The following ACKR3 variants were observed in gnomAD, a reference collection of about 807,000 sequenced individuals.
ACKR3 encodes atypical chemokine receptor 3.
Under a neutral mutation model 22.4 loss-of-function variants are expected in ACKR3, and 6 were observed. That is an observed-to-expected ratio of 0.27 (90% CI 0.15 to 0.53). ACKR3 has a LOEUF of 0.53. ACKR3 is among the 20% of genes least tolerant of loss of function. ACKR3 has a pLI of 0.96. For synonymous variants in ACKR3, 209 were observed against 205.2 expected, an observed-to-expected ratio of 1.02 and a Z score of -0.16; for missense variants, 396 against 475.2, an observed-to-expected ratio of 0.83 and a Z score of 1.55.
chr2:236,560,315 C>CTT, the ACKR3 span, among the ~76,000 whole-genome samples: 3 of 104,264 alleles, frequency 2.9e-5, no homozygotes, highest in African/African-American at 5.9e-5. Flanking sequence ...GCACTTGTTG[C>CTT]CTTTTTTTTT....
In ACKR3 at chr2:236,580,654, C is replaced by G. The variant is rs35767135; in HGVS notation, c.189C>G (p.Ser63=). Residue 63 remains serine (S), a synonymous_variant, in exon 2 of 2, where the codon TCC becomes TCG. Transcript: ENST00000272928. ...FIFVIGMIAN[S]VVVWVNIQAK... Reference sequence around the variant, plus strand: ...TCGTCATCGGCATGATTGCCAACTCCGTGGTGGTCTGGGTGAATATCCAGG... The same window carrying G: ...TCGTCATCGGCATGATTGCCAACTCGGTGGTGGTCTGGGTGAATATCCAGG... The G allele has an allele frequency of 6.2e-7, 1 of 1,613,982 alleles. No homozygotes were observed. The highest frequency in any genetic ancestry group is 1.1e-5 in the South Asian group (1 of 91,054).
chr2:236,580,670 A>G lies in ACKR3; in HGVS notation c.205A>G (p.Asn69Asp). ...TGCCAACTCCGTGGTGGTCTGGGTGAATATCCAGGCCAAGACCACAGGCTA... is the reference window on the plus strand; with the variant it reads ...TGCCAACTCCGTGGTGGTCTGGGTGGATATCCAGGCCAAGACCACAGGCTA... ...MIANSVVVWV[N>D]IQAKTTGYDT... The change falls in exon 2 of 2, where the codon AAT becomes GAT. Residue 69 changes from asparagine (N) to aspartate (D), a missense_variant. By Grantham distance (23) the Asn-to-Asp change is conservative. Coordinates refer to ENST00000272928, the MANE Select transcript of ACKR3 (RefSeq NM_020311.3). 1.2e-6 allele frequency: 2 copies of G among 1,614,098 alleles called. No homozygotes were observed. Among genetic ancestry groups the G allele is most frequent in the Non-Finnish European group, 1.7e-6 (2 of 1,180,022 alleles).
chr2:236,560,682 A>C, the ACKR3 span, among the ~76,000 whole-genome samples: 2 of 151,906 alleles, frequency 1.3e-5, no homozygotes, highest in Non-Finnish European at 2.9e-5. Context: ...TTTTAGTTTG[A>C]TATAATCTCA....
chr2:236,556,509 C>G, the ACKR3 span, among the ~76,000 whole-genome samples: 17,301 of 152,008 alleles, frequency 0.11, 1,111 homozygotes, highest in East Asian at 0.29. Flanking sequence ...TGTGAGGATG[C>G]AAGCAGAGGT....
At chr2:236,558,262 T>C in the ACKR3 span, among the ~76,000 whole-genome samples, 3 of 152,162 alleles carry the variant, frequency 2.0e-5, no homozygotes, top group East Asian at 3.9e-4. Flanking sequence ...GGGCCGCTGC[T>C]AGTCATATTT....
At position 236,581,327 on chromosome 2, in the gene ACKR3, C is replaced by G. The variant is rs201423512; in HGVS notation, c.862C>G (p.Arg288Gly). ...CCTGCACTACATCCCTTTCACCTGC[C>G]GGCTGGAGCACGCCCTCTTCACGGC... is the stretch of plus-strand genomic sequence containing the variant. ...SILHYIPFTC[R>G]LEHALFTALH... Residue 288 changes from arginine to glycine, a missense_variant, in exon 2 of 2, where the codon CGG (arginine) becomes GGG (glycine). Transcript: ENST00000272928. The surrounding 1 kb of genome is among the most constrained non-coding windows in gnomAD (Gnocchi z 4.4). 1 of 1,613,918 alleles carries G rather than the reference C, an allele frequency of 6.2e-7. No individual in the cohort carries two copies. The highest frequency in any genetic ancestry group is 1.1e-5 in the South Asian group (1 of 91,074).
chr2:236,553,432 CA>C, the ACKR3 span, among the ~76,000 whole-genome samples: 11 of 152,318 alleles, frequency 7.2e-5, no homozygotes, highest in South Asian at 2.1e-3. Context: ...CAGAAAAAAA[CA>C]GGACATGGAA....
rs1157191810 is a variant in ACKR3, at chr2:236,581,497, C to T, written c.1032C>T (p.Ile344=). The change falls in exon 2 of 2, where the codon ATC becomes ATT. Residue 344 remains isoleucine, a synonymous_variant. Transcript: ENST00000272928. This position sits in a 1 kb window ranked among gnomAD's most constrained non-coding sequence, Gnocchi z 4.4. The part of the protein sequence containing the change: ...YSAKTGLTKL[I]DASRVSETEY... ...CCAAAACAGGGCTCACCAAGCTCAT[C>T]GATGCCTCCAGAGTCTCAGAGACGG... is the stretch of plus-strand genomic sequence containing the variant. 10 of 1,614,176 alleles carry T rather than the reference C, an allele frequency of 6.2e-6. No individual in the cohort carries two copies. Among genetic ancestry groups the T allele is most frequent in the South Asian group, 1.1e-5 (1 of 91,082 alleles).
At chr2:236,556,402 G>C in the ACKR3 span, among the ~76,000 whole-genome samples, 1 of 152,056 alleles carries the variant, frequency 6.6e-6, no homozygotes, top group East Asian at 1.9e-4. Context: ...TTAAGTTCAG[G>C]GTCTTGAGAT....
the ACKR3 span, among the ~76,000 whole-genome samples, chr2:236,551,280 C>G: frequency 1.3e-5 from 2 of 152,220 alleles, no homozygotes; most frequent in Non-Finnish European, 2.9e-5. Flanking sequence ...AGCCCCATTT[C>G]CCCTCCTACC....
upstream of ACKR3, among the ~76,000 whole-genome samples, chr2:236,568,684 A>G (rs1463797277): frequency 6.6e-6 from 1 of 152,278 alleles, no homozygotes; most frequent in African/African-American, 2.4e-5. Context: ...TCTTTCGTTA[A>G]GGGCTTTCTC....
the ACKR3 span, among the ~76,000 whole-genome samples, chr2:236,540,609 A>G: frequency 1.7e-3 from 265 of 152,304 alleles, 1 homozygote; most frequent in African/African-American, 6.2e-3. Flanking sequence ...ATTTCCTTAT[A>G]TAAGTTATAT....
Position 236,581,073 on chromosome 2 carries a change from A to C in ACKR3, c.608A>C (p.His203Pro). Residue 203 changes from histidine (H) to proline (P), a missense_variant, in exon 2 of 2, where the codon CAC (histidine) becomes CCC (proline). Coordinates refer to ENST00000272928, the MANE Select transcript of ACKR3 (RefSeq NM_020311.3). This position sits in a 1 kb window ranked among gnomAD's most constrained non-coding sequence, Gnocchi z 4.4. Reference sequence around the variant, plus strand: ...TACTGCCGGTCCTTCTACCCCGAGCACAGCATCAAGGAGTGGCTGATCGGC... The same window carrying C: ...TACTGCCGGTCCTTCTACCCCGAGCCCAGCATCAAGGAGTGGCTGATCGGC... ...ETYCRSFYPE[H>P]SIKEWLIGME... 6.2e-7 allele frequency: 1 copy of C among 1,614,096 alleles called. No individual in the cohort carries two copies. The highest frequency in any genetic ancestry group is 8.5e-7 in the Non-Finnish European group (1 of 1,180,022).
At chr2:236,548,569 G>A in the ACKR3 span, among the ~76,000 whole-genome samples, 1 of 152,134 alleles carries the variant, frequency 6.6e-6, no homozygotes, top group South Asian at 2.1e-4. The surrounding 1 kb of genome is among the most constrained non-coding windows in gnomAD (Gnocchi z 4.3). Context: ...TCTTTGATCT[G>A]ACTTCTCAGC....
intron 1 of ACKR3, among the ~76,000 whole-genome samples, chr2:236,571,532 G>A (rs1046217497): frequency 2.1e-5 from 3 of 143,662 alleles, no homozygotes; most frequent in Non-Finnish European, 4.5e-5. Flanking sequence ...TGTTTTCCCC[G>A]TATTAACAGC....
chr2:236,554,604 T>C, the ACKR3 span, among the ~76,000 whole-genome samples: 1 of 152,172 alleles, frequency 6.6e-6, no homozygotes, highest in African/African-American at 2.4e-5. Context: ...ACCTGTCCTC[T>C]TGGGCACCAA....
the ACKR3 span, among the ~76,000 whole-genome samples, chr2:236,549,514 T>C: frequency 6.6e-6 from 1 of 152,168 alleles, no homozygotes. The surrounding 1 kb of genome is among the most constrained non-coding windows in gnomAD (Gnocchi z 5.3). Context: ...CTTGACTAAG[T>C]GGTGTGTCTG....
chr2:236,560,583 C>T, the ACKR3 span, among the ~76,000 whole-genome samples: 4 of 152,074 alleles, frequency 2.6e-5, no homozygotes, highest in African/African-American at 9.7e-5. Context: ...AGAGATTAAC[C>T]CTTTACCAGA....
At chr2:236,566,860 TCTTTCTCTCTCTGTCTTTTCTTC>T (rs752048407), upstream of ACKR3, among the ~76,000 whole-genome samples, 1 of 151,340 alleles carries the variant, frequency 6.6e-6, no homozygotes, top group Non-Finnish European at 1.5e-5. Context: ...TTCTTTTCTT[TCTTTCTCTCTCTGTCTTTTCTTC>T]CTTTCTCTCT....
Sources: gnomAD v4.1 joint callset for allele counts (sites outside exome capture counted in the v4.1 genomes callset) on GRCh38, gnomAD v4.1.1 for gene constraint, Gnocchi (gnomAD v3.1) non-coding constraint, MANE v1.5 for transcripts, NCBI Gene and HGNC (gene_info 2026-07-23, HGNC 2026-07-21) for gene names.